NELL1: variants seen among roughly 807,000 people sequenced by gnomAD.
NELL1 encodes the protein protein kinase C-binding protein NELL1.
Under a neutral mutation model 107.4 loss-of-function variants are expected in NELL1, and 76 were observed. That is an observed-to-expected ratio of 0.71 (90% CI 0.59 to 0.86). NELL1 has a LOEUF of 0.86. Ranked by LOEUF, NELL1 falls within the 40% of genes least tolerant of loss-of-function variation. The pLI is 0.00. For synonymous variants in NELL1, 353 were observed against 341.2 expected, an observed-to-expected ratio of 1.03 and a Z score of -0.38; for missense variants, 1,024 against 1,005.5, an observed-to-expected ratio of 1.02 and a Z score of -0.25.
At position 21,379,053 on chromosome 11, in the gene NELL1, CAATT is replaced by C. The variant is rs555587441; in HGVS notation, c.1645+8109_1645+8112del. On this transcript the variant is annotated intron_variant, in intron 15 of 19. Coordinates refer to ENST00000357134, the MANE Select transcript of NELL1 (RefSeq NM_006157.5). Reference sequence around the variant, plus strand: ...ATGCTTTCTGTATTACAAAGCCACTCAATTAATCAGTTTTTTTGGTAGGAAATTG... The same window carrying C: ...ATGCTTTCTGTATTACAAAGCCACTCAATCAGTTTTTTTGGTAGGAAATTG... Among the ~76,000 whole-genome samples, 6 of 152,064 alleles carry C rather than the reference CAATT, an allele frequency of 3.9e-5. No homozygotes were observed. In the East Asian group the frequency reaches 7.8e-4, roughly 20 times the overall value.
chr11:20,715,551 T>C (rs1855230308), intron 2 of NELL1, among the ~76,000 whole-genome samples: 1 of 152,214 alleles, frequency 6.6e-6, no homozygotes, highest in Non-Finnish European at 1.5e-5. Flanking sequence ...ATGTTTCCCC[T>C]ACTTCACGAA....
chr11:21,037,554 T>C (rs1853125997), intron 12 of NELL1, among the ~76,000 whole-genome samples: 1 of 152,198 alleles, frequency 6.6e-6, no homozygotes, highest in Non-Finnish European at 1.5e-5. Flanking sequence ...GTTTTTTATA[T>C]GCATACATTG....
chr11:21,556,123 G>A (rs970996762), intron 16 of NELL1, among the ~76,000 whole-genome samples: 5 of 151,892 alleles, frequency 3.3e-5, no homozygotes, highest in Non-Finnish European at 5.9e-5. Context: ...TACTGCTTTA[G>A]ATATTGGAGA....
At chr11:20,772,059 A>T (rs1057268141) in intron 2 of NELL1, among the ~76,000 whole-genome samples, 3 of 152,226 alleles carry the variant, frequency 2.0e-5, no homozygotes, top group African/African-American at 7.2e-5. Context: ...ACTGTTTACT[A>T]TTGAATCTGA....
chr11:20,714,195 T>A (rs1297047330), intron 2 of NELL1, among the ~76,000 whole-genome samples: 1 of 20,456 alleles, frequency 4.9e-5, no homozygotes, highest in African/African-American at 2.1e-4. Flanking sequence ...ATCTCCCCGA[T>A]TTTTTTTTTT....
chr11:21,401,816 T>G (rs1014928470), intron 15 of NELL1, among the ~76,000 whole-genome samples: 3 of 151,740 alleles, frequency 2.0e-5, no homozygotes, highest in African/African-American at 7.3e-5. Context: ...CCAATGACTG[T>G]GATGTTTGCA....
intron 2 of NELL1, among the ~76,000 whole-genome samples, chr11:20,715,137 C>T (rs552657618): frequency 2.6e-5 from 4 of 151,964 alleles, no homozygotes; most frequent in Non-Finnish European, 4.4e-5. Flanking sequence ...CCCAGCTACT[C>T]GGGACCCTGA....
chr11:20,791,292 G>A (rs1355187551), intron 3 of NELL1, among the ~76,000 whole-genome samples: 3 of 151,894 alleles, frequency 2.0e-5, no homozygotes, highest in Non-Finnish European at 4.4e-5. Context: ...TAAGATTTTC[G>A]TGGCTTTTGT....
chr11:21,167,188 G>GTGT (rs879234733), intron 13 of NELL1, among the ~76,000 whole-genome samples: 2 of 151,812 alleles, frequency 1.3e-5, no homozygotes, highest in Admixed American at 1.3e-4. Context: ...TCATTATATA[G>GTGT]TGTTGCCCCA....
At chr11:21,166,665 G>GTAT (rs1311173137) in intron 13 of NELL1, among the ~76,000 whole-genome samples, 3 of 151,984 alleles carry the variant, frequency 2.0e-5, no homozygotes, top group East Asian at 1.9e-4. Context: ...CTTTTCTCTA[G>GTAT]TATTTCCTAT....
chr11:21,171,581 GACA>G (rs1590702473), intron 13 of NELL1, among the ~76,000 whole-genome samples: 1 of 151,926 alleles, frequency 6.6e-6, no homozygotes, highest in Admixed American at 6.5e-5. Context: ...ACAACTCTCA[GACA>G]ACTAGTTTTC....
At chr11:21,026,308 G>A (rs932651945) in intron 12 of NELL1, among the ~76,000 whole-genome samples, 2 of 152,066 alleles carry the variant, frequency 1.3e-5, no homozygotes, top group African/African-American at 2.4e-5. Flanking sequence ...CCCATGCTTA[G>A]CCTCCATGCT....
At chr11:20,830,840 T>C (rs1365360669) in intron 3 of NELL1, among the ~76,000 whole-genome samples, 1 of 152,160 alleles carries the variant, frequency 6.6e-6, no homozygotes, top group African/African-American at 2.4e-5. Flanking sequence ...CTCACTACTA[T>C]GTGAAAGGCA....
intron 15 of NELL1, among the ~76,000 whole-genome samples, chr11:21,448,770 C>G (rs1390440157): frequency 3.9e-5 from 6 of 152,146 alleles, no homozygotes; most frequent in African/African-American, 1.2e-4. Context: ...TTTCCTTTTT[C>G]TCACTACACT....
intron 2 of NELL1, among the ~76,000 whole-genome samples, chr11:20,706,356 A>G (rs59566085): frequency 0.047 from 7,101 of 152,168 alleles, 496 homozygotes; most frequent in African/African-American, 0.15. Context: ...TGATGAGTTC[A>G]TGTCCTTTGT....
At chr11:21,182,231 C>T (rs1265555109) in intron 13 of NELL1, among the ~76,000 whole-genome samples, 3 of 151,604 alleles carry the variant, frequency 2.0e-5, no homozygotes, top group African/African-American at 7.3e-5. Context: ...GTCATGAGTT[C>T]GAGAGCAGCC....
rs1858546286 is a variant in NELL1 at position 21,248,310 on chromosome 11, C to T, written c.1549+18856C>T. Among the ~76,000 whole-genome samples, 3 of 151,012 alleles carry T rather than the reference C, an allele frequency of 2.0e-5. No homozygotes were observed. In the South Asian group the frequency reaches 6.3e-4, roughly 32 times the overall value. On this transcript the variant is annotated intron_variant, in intron 14 of 19. Coordinates refer to ENST00000357134, the MANE Select transcript of NELL1 (RefSeq NM_006157.5). ...GCAGTGATCCGAGATCATGCCACTG[C>T]ACTCCAGCCTGAGTGACAGTGAGAG...
chr11:21,195,463 C>T (rs1483371065), intron 13 of NELL1, among the ~76,000 whole-genome samples: 1 of 151,038 alleles, frequency 6.6e-6, no homozygotes, highest in African/African-American at 2.4e-5. Context: ...CCTATTCTTT[C>T]ATTTTCTTCC....
intron 2 of NELL1, among the ~76,000 whole-genome samples, chr11:20,710,193 TA>T: frequency 6.6e-6 from 1 of 152,362 alleles, no homozygotes; most frequent in East Asian, 1.9e-4. Flanking sequence ...GGGTTTGTCA[TA>T]GAAGGCTTTT....
Sources: gnomAD v4.1 joint callset for allele counts (sites outside exome capture counted in the v4.1 genomes callset) on GRCh38, gnomAD v4.1.1 for gene constraint, MANE v1.5 for transcripts, NCBI Gene and HGNC (gene_info 2026-07-23, HGNC 2026-07-21) for gene names.